PLCXD3: variants seen among roughly 807,000 people sequenced by gnomAD.
The protein encoded by PLCXD3 is phosphatidylinositol specific phospholipase C X domain containing 3.
A neutral mutation model predicts 25.5 loss-of-function variants in PLCXD3; 19 were observed. The observed-to-expected ratio is 0.75, with a 90% confidence interval of 0.52 to 1.09. The LOEUF (loss-of-function observed/expected upper bound fraction) is 1.09, where lower values mean the gene tolerates loss of function less well. Among genes scored for constraint, PLCXD3 ranks in the 50% least tolerant of loss-of-function variants. PLCXD3 has a pLI of 0.00. For missense variants in PLCXD3, 411 were observed against 388.1 expected (o/e 1.06, Z -0.50); for synonymous variants, 174 against 137.6 (o/e 1.26, Z -1.85).
intron 2 of PLCXD3, among the ~76,000 whole-genome samples, chr5:41,331,146 A>T (rs1180708607): frequency 6.6e-6 from 1 of 152,188 alleles, no homozygotes; most frequent in Non-Finnish European, 1.5e-5. Context: ...GGAAAAGAGG[A>T]AGCCAAATTG....
intron 1 of PLCXD3, among the ~76,000 whole-genome samples, chr5:41,467,397 G>A (rs138963824): frequency 0.012 from 1,805 of 152,152 alleles, 41 homozygotes; most frequent in African/African-American, 0.041. Flanking sequence ...TTTTAAAGTG[G>A]TTATTTGTTT....
At chr5:41,362,296 G>T (rs936853287) in intron 2 of PLCXD3, among the ~76,000 whole-genome samples, 1 of 152,158 alleles carries the variant, frequency 6.6e-6, no homozygotes. Flanking sequence ...CTCAAAAAAT[G>T]GAGTGATGTG....
intron 2 of PLCXD3, among the ~76,000 whole-genome samples, chr5:41,327,778 T>C (rs1341027914): frequency 6.6e-6 from 1 of 152,182 alleles, no homozygotes; most frequent in Non-Finnish European, 1.5e-5. Flanking sequence ...TCCCCCACCA[T>C]TCTTTAATCT....
At chr5:41,503,987 T>TTGTGTGTGTG (rs36021542) in intron 1 of PLCXD3, among the ~76,000 whole-genome samples, 19 of 148,558 alleles carry the variant, frequency 1.3e-4, no homozygotes, top group African/African-American at 4.4e-4. Flanking sequence ...GTGTGTGCAC[T>TTGTGTGTGTG]TGTGTGTGTG....
intron 1 of PLCXD3, among the ~76,000 whole-genome samples, chr5:41,471,493 GC>G (rs1748157333): frequency 6.6e-6 from 1 of 152,210 alleles, no homozygotes; most frequent in Admixed American, 6.5e-5. Flanking sequence ...GAGGAGAATC[GC>G]CCATCCCAGT....
chr5:41,402,694 T>C (rs1183460314), intron 1 of PLCXD3, among the ~76,000 whole-genome samples: 2 of 152,016 alleles, frequency 1.3e-5, no homozygotes, highest in African/African-American at 4.8e-5. Flanking sequence ...TTCTTTATTC[T>C]CTGTTCCATC....
At chr5:41,393,829 C>T (rs1745912269) in intron 1 of PLCXD3, among the ~76,000 whole-genome samples, 1 of 152,058 alleles carries the variant, frequency 6.6e-6, no homozygotes. Flanking sequence ...ACTTAGGATG[C>T]TGAGGCAGAA....
chr5:41,491,168 C>A (rs1400808711), intron 1 of PLCXD3, among the ~76,000 whole-genome samples: 3 of 152,106 alleles, frequency 2.0e-5, no homozygotes, highest in East Asian at 3.9e-4. Flanking sequence ...GAATATCTTT[C>A]TTTCTGCCTT....
chr5:41,486,826 C>T (rs1203759524), intron 1 of PLCXD3, among the ~76,000 whole-genome samples: 1 of 152,148 alleles, frequency 6.6e-6, no homozygotes, highest in Non-Finnish European at 1.5e-5. Flanking sequence ...GTACTCATCT[C>T]AATTTTAGAG....
intron 1 of PLCXD3, among the ~76,000 whole-genome samples, chr5:41,468,009 CTTTTTTTTTTTTTTT>C (rs145732089): frequency 7.6e-5 from 4 of 52,404 alleles, no homozygotes; most frequent in East Asian, 7.8e-4. Context: ...CAGCTTTATT[CTTTTTTTTTTTTTTT>C]TTTTTTTTTT....
chr5:41,498,184 A>G (rs1748880285), intron 1 of PLCXD3, among the ~76,000 whole-genome samples: 1 of 151,694 alleles, frequency 6.6e-6, no homozygotes, highest in African/African-American at 2.4e-5. Flanking sequence ...GAAATCATAA[A>G]GATTAGAGCA....
chr5:41,378,579 G>A lies in PLCXD3; in HGVS notation c.812+3247C>T, dbSNP rs570350224. The stretch of plus-strand genomic sequence containing the variant: ...GGCAAGTAGGAAGTTCTGAATTAAA[G>A]GGCTGAGAGCAGTTTTTAAAAATTA... On this transcript the variant is annotated intron_variant, in intron 2 of 2. Coordinates refer to ENST00000377801, the MANE Select transcript of PLCXD3 (RefSeq NM_001005473.3). 8.5e-5 allele frequency among the ~76,000 whole-genome samples: 13 copies of A among 152,170 alleles called. No individual in the cohort carries two copies. In the South Asian group the frequency reaches 2.7e-3, roughly 32 times the overall value.
chr5:41,459,281 CA>C (rs1747822463), intron 1 of PLCXD3, among the ~76,000 whole-genome samples: 1 of 151,478 alleles, frequency 6.6e-6, no homozygotes, highest in Non-Finnish European at 1.5e-5. Flanking sequence ...TCAGGCTAGA[CA>C]AAAGGAAAAA....
chr5:41,406,228 T>TAA (rs1352291000), intron 1 of PLCXD3, among the ~76,000 whole-genome samples: 1 of 152,122 alleles, frequency 6.6e-6, no homozygotes, highest in Admixed American at 6.6e-5. Flanking sequence ...CCCAAAGCTG[T>TAA]ATTGCAGACC....
At chr5:41,401,171 T>C (rs1746174595) in intron 1 of PLCXD3, among the ~76,000 whole-genome samples, 2 of 152,060 alleles carry the variant, frequency 1.3e-5, no homozygotes, top group African/African-American at 2.4e-5. Context: ...CTTTCTTCCA[T>C]GTACTTAATG....
intron 1 of PLCXD3, among the ~76,000 whole-genome samples, chr5:41,443,229 C>G (rs1747421659): frequency 6.6e-6 from 1 of 151,732 alleles, no homozygotes; most frequent in African/African-American, 2.4e-5. Flanking sequence ...TTTACTGTAC[C>G]TTTACTATGT....
rs78099635 is a variant in PLCXD3 at position 41,440,153 on chromosome 5, G to A, written c.104-57619C>T. ...CCACATGGGTTCAGATCTTAGCTCC[G>A]TCAGATCTTAGCTCCGTTACTTATT... is the stretch of plus-strand genomic sequence containing the variant. On this transcript the variant is annotated intron_variant, in intron 1 of 2. Transcript: ENST00000377801. 6.9e-3 allele frequency among the ~76,000 whole-genome samples: 1,006 copies of A among 145,648 alleles called. 12 individuals are homozygous for A. The highest frequency in any genetic ancestry group is 0.022 in the African/African-American group (845 of 39,034).
intron 1 of PLCXD3, among the ~76,000 whole-genome samples, chr5:41,421,858 G>A (rs1746836597): frequency 6.6e-6 from 1 of 152,108 alleles, no homozygotes; most frequent in Non-Finnish European, 1.5e-5. Context: ...TTTTTTAGGT[G>A]ACAAAGCAGT....
chr5:41,333,148 C>A (rs1435559644), intron 2 of PLCXD3, among the ~76,000 whole-genome samples: 2 of 150,564 alleles, frequency 1.3e-5, no homozygotes, highest in Non-Finnish European at 3.0e-5. Context: ...AACAAACAAA[C>A]AAAAACGTCA....
Sources: gnomAD v4.1 joint callset for allele counts (sites outside exome capture counted in the v4.1 genomes callset) on GRCh38, gnomAD v4.1.1 for gene constraint, MANE v1.5 for transcripts, NCBI Gene and HGNC (gene_info 2026-07-23, HGNC 2026-07-21) for gene names.